The following DDX60L variants were observed in gnomAD, a reference collection of about 807,000 sequenced individuals.
DDX60L encodes probable ATP-dependent RNA helicase DDX60-like.
In DDX60L, 191 loss-of-function variants were observed where a neutral mutation model predicts 211.6. The observed-to-expected ratio is 0.90, with a 90% confidence interval of 0.80 to 1.02. The LOEUF (loss-of-function observed/expected upper bound fraction) is 1.02. Among genes scored for constraint, DDX60L ranks in the 50% least tolerant of loss-of-function variants. DDX60L has a pLI of 0.00. For synonymous variants in DDX60L, 706 were observed against 694.1 expected (o/e 1.02, Z -0.27); for missense variants, 2,007 against 1,984.1 (o/e 1.01, Z -0.22).
At chr4:168,467,657 C>A (rs2319853) in intron 4 of DDX60L, among the ~76,000 whole-genome samples, 109,575 of 152,056 alleles carry the variant, frequency 0.72, 40,740 homozygotes, top group East Asian at 0.88. Flanking sequence ...TATTTATTAA[C>A]GAAATTGACT....
At chr4:168,420,600 A>C (rs1750379364) in intron 17 of DDX60L, among the ~76,000 whole-genome samples, 1 of 114,070 alleles carries the variant, frequency 8.8e-6, no homozygotes. Context: ...TTGATTTTAA[A>C]CACACACACA....
Position 168,358,186 on chromosome 4 carries a change from T to C in DDX60L, c.5082A>G (p.Gln1694=), listed in dbSNP as rs754512940. ...QLSQTFYEKL[Q]EMQIQMSQNH... ...TTTGACTCATTTGAATTTGCATTTC[T>C]TGAAGTTTCTCATAAAAGGTTTGAC... is the stretch of plus-strand genomic sequence containing the variant. Residue 1694 remains glutamine (Q), a synonymous_variant, in exon 38 of 38, where the codon CAA becomes CAG. Transcript: ENST00000682922. 1 of 1,607,484 alleles carries C rather than the reference T, an allele frequency of 6.2e-7. No individual in the cohort carries two copies. The highest frequency in any genetic ancestry group is 1.7e-5 in the Admixed American group (1 of 58,608).
chr4:168,395,334 A>G (rs1371246779), intron 27 of DDX60L, among the ~76,000 whole-genome samples: 1 of 152,218 alleles, frequency 6.6e-6, no homozygotes, highest in Non-Finnish European at 1.5e-5. Flanking sequence ...ACCAATTTGT[A>G]TATAATATGG....
intron 35 of DDX60L, 50 bp from the exon 36 acceptor site, chr4:168,371,813 CTG>C (rs1369513002): frequency 6.8e-7 from 1 of 1,462,912 alleles, no homozygotes; most frequent in Admixed American, 1.9e-5. Context: ...TAAAGAGTAA[CTG>C]TTTGCAGTTT....
chr4:168,415,639 T>TA lies in DDX60L; in HGVS notation c.2869+17dup, dbSNP rs541735025. ...AAATATAAAAATATATAGTAAAACA[T>TA]AAAAAAAATAAGCTTACCAAGTCTA... On this transcript the variant is annotated intron_variant, in intron 21 of 37. Coordinates refer to ENST00000682922, the MANE Select transcript of DDX60L (RefSeq NM_001012967.3). The TA allele has an allele frequency of 2.5e-4, 378 of 1,511,440 alleles. 2 individuals carry two copies. The East Asian group carries it at 6.6e-3, about 26-fold the overall frequency. The allele number at this position is 1,511,440 out of a possible 1,614,324, so 93.6% of individuals were successfully genotyped here.
rs574280776 is a variant in DDX60L at position 168,385,863 on chromosome 4, C to T, written c.3916-1051G>A. Reference sequence around the variant, plus strand: ...CTGTACTAGGGATGGTAAGATGATACGTAAAAGAAACACAAATGGAATCTG... The same window carrying T: ...CTGTACTAGGGATGGTAAGATGATATGTAAAAGAAACACAAATGGAATCTG... On this transcript the variant is annotated intron_variant, in intron 29 of 37. Coordinates refer to ENST00000682922, the MANE Select transcript of DDX60L (RefSeq NM_001012967.3). Among the ~76,000 whole-genome samples the T allele has an allele frequency of 3.9e-5, 6 of 151,974 alleles. No individual in the cohort carries two copies. In the South Asian group the frequency reaches 8.3e-4, roughly 21 times the overall value.
intron 7 of DDX60L, among the ~76,000 whole-genome samples, chr4:168,454,817 G>C (rs1243980149): frequency 7.3e-6 from 1 of 136,702 alleles, no homozygotes; most frequent in Non-Finnish European, 1.5e-5. Flanking sequence ...TGTTGGGATG[G>C]AGAAGAGTGA....
intron 9 of DDX60L, among the ~76,000 whole-genome samples, chr4:168,446,600 T>C (rs13117818): frequency 0.025 from 3,737 of 152,120 alleles, 66 homozygotes; most frequent in Non-Finnish European, 0.043. Context: ...AGAACAAAGC[T>C]GGAGGCATCA....
intron 4 of DDX60L, among the ~76,000 whole-genome samples, chr4:168,468,155 A>C (rs955795043): frequency 6.6e-6 from 1 of 152,202 alleles, no homozygotes; most frequent in African/African-American, 2.4e-5. Context: ...CTACAGAGTG[A>C]GACTCCATCT....
At chr4:168,449,980 A>G (rs953829211) in intron 8 of DDX60L, among the ~76,000 whole-genome samples, 2 of 152,100 alleles carry the variant, frequency 1.3e-5, no homozygotes, top group Non-Finnish European at 2.9e-5. Flanking sequence ...TTTGGAAGGA[A>G]CTTTGTTTAC....
In DDX60L at chr4:168,433,077, G is replaced by T. The variant is rs762582670; in HGVS notation, c.1333C>A (p.Pro445Thr). ...TCATCAATTACAGCAGATGTCATTG[G>T]AATAAAGCCCACACTAGGCATCTTT... ...LEKMPSVGFI[P>T]MTSAVIDEFV... The change falls in exon 11 of 38, where the codon CCA becomes ACA. Residue 445 changes from proline to threonine, a missense_variant. By Grantham distance (38) the Pro-to-Thr change is conservative. Transcript: ENST00000682922. 1 of 1,608,448 alleles carries T rather than the reference G, an allele frequency of 6.2e-7. No homozygotes were observed. The highest frequency in any genetic ancestry group is 1.1e-5 in the South Asian group (1 of 90,158).
At chr4:168,395,657 C>T (rs556481607) in intron 27 of DDX60L, 23 of 214,234 alleles carry the variant, frequency 1.1e-4, no homozygotes, top group Middle Eastern at 1.6e-3. Context: ...AAAACCCAAA[C>T]GTGACCAGAA....
intron 30 of DDX60L, among the ~76,000 whole-genome samples, chr4:168,381,913 T>G (rs4692924): frequency 0.75 from 113,314 of 151,960 alleles, 43,565 homozygotes; most frequent in East Asian, 0.87. Flanking sequence ...CAAAAACCTT[T>G]AAAGTGTACT....
intron 4 of DDX60L, among the ~76,000 whole-genome samples, chr4:168,468,041 C>T (rs1487269002): frequency 6.6e-6 from 1 of 152,130 alleles, no homozygotes; most frequent in Admixed American, 6.6e-5. Context: ...GTGGCGCATG[C>T]CTGTAATCCC....
chr4:168,358,144 G>A lies in DDX60L; in HGVS notation c.*3C>T, dbSNP rs926629174. 5 of 1,607,254 alleles carry A rather than the reference G, an allele frequency of 3.1e-6. No individual in the cohort carries two copies. In the Admixed American group the frequency reaches 6.8e-5, roughly 22 times the overall value. On this transcript the variant is annotated 3_prime_UTR_variant, in exon 38 of 38. Transcript: ENST00000682922. The stretch of plus-strand genomic sequence containing the variant: ...TAATCAGACTTGAAAGTTTTCCATG[G>A]TGTTATTCTAAATGATTTTGACTCA...
chr4:168,472,922 G>A (rs557456344), intron 1 of DDX60L, 113 bp from the exon 2 acceptor site: 78 of 538,218 alleles, frequency 1.4e-4, no homozygotes, highest in Middle Eastern at 9.2e-4. Context: ...AGCAAAGATT[G>A]ATCAAATAAT....
At chr4:168,448,889 A>G (rs1755230984) in intron 8 of DDX60L, 110 bp from the exon 9 acceptor site, 4 of 933,854 alleles carry the variant, frequency 4.3e-6, no homozygotes, top group Non-Finnish European at 6.4e-6. Flanking sequence ...GTGGAATGAT[A>G]AAGTCATTAC....
In DDX60L at chr4:168,427,083, A is replaced by T; in HGVS notation, c.1917T>A (p.His639Gln). The T allele has an allele frequency of 1.9e-6, 3 of 1,603,862 alleles. No homozygotes were observed. The highest frequency in any genetic ancestry group is 2.6e-6 in the Non-Finnish European group (3 of 1,174,136). ...LIACFKAWKK[H>Q]CRGEGKISKD... ...GGAGTCCCATACCTTCACCTCGGCA[A>T]TGTTTTTTCCATGCTTTAAAGCAGG... The change falls in exon 14 of 38, where the codon CAT becomes CAA. Residue 639 changes from histidine to glutamine, a missense_variant. His to Gln is a conservative substitution (Grantham distance 24, BLOSUM62 0). Coordinates refer to ENST00000682922, the MANE Select transcript of DDX60L (RefSeq NM_001012967.3).
chr4:168,370,423 G>C (rs909356017), intron 36 of DDX60L, among the ~76,000 whole-genome samples: 4 of 152,130 alleles, frequency 2.6e-5, no homozygotes, highest in African/African-American at 9.7e-5. Context: ...CAAAGATTGG[G>C]GAGGGGAAGA....
Sources: gnomAD v4.1 joint callset for allele counts (sites outside exome capture counted in the v4.1 genomes callset) on GRCh38, gnomAD v4.1.1 for gene constraint, MANE v1.5 for transcripts, NCBI Gene and HGNC (gene_info 2026-07-23, HGNC 2026-07-21) for gene names.